The following ZNF324B variants were observed in gnomAD, a reference collection of about 807,000 sequenced individuals.
ZNF324B encodes the protein zinc finger protein 324B.
Under a neutral mutation model 10.6 loss-of-function variants are expected in ZNF324B, and 7 were observed. That is an observed-to-expected ratio of 0.66 (90% CI 0.38 to 1.24). The LOEUF (loss-of-function observed/expected upper bound fraction) is 1.24, where lower values mean the gene tolerates loss of function less well. Ranked by LOEUF, ZNF324B falls within the 50% of genes most tolerant of loss-of-function variation. ZNF324B has a pLI of 0.02. For missense variants in ZNF324B, 640 were observed against 764.7 expected (o/e 0.84, Z 1.92); for synonymous variants, 316 against 321.0 (o/e 0.98, Z 0.17).
the ZNF324B span, chr19:58,440,271 CTGCTA>C: frequency 4.9e-6 from 1 of 202,866 alleles, no homozygotes; most frequent in Non-Finnish European, 1.0e-5. Flanking sequence ...CGTCACGCTA[CTGCTA>C]GGTCGTTGCC....
the ZNF324B span, among the ~76,000 whole-genome samples, chr19:58,422,758 C>A: frequency 6.6e-6 from 1 of 152,122 alleles, no homozygotes; most frequent in Admixed American, 6.6e-5. Context: ...CCTTTGGATT[C>A]ATCCTCACAT....
At chr19:58,453,095 A>AAATG (rs1433736290) in intron 1 of ZNF324B, 1 of 138,956 alleles carries the variant, frequency 7.2e-6, no homozygotes, top group East Asian at 2.0e-4. Context: ...ATAAATAAAT[A>AAATG]AATAAATAAA....
At chr19:58,419,710 G>A in the ZNF324B span, among the ~76,000 whole-genome samples, 2 of 152,218 alleles carry the variant, frequency 1.3e-5, no homozygotes, top group Non-Finnish European at 1.5e-5. Flanking sequence ...GTGTCTGGAT[G>A]CTGTGGCCTT....
rs765604919 is a variant in ZNF324B, at chr19:58,454,984, C to G, written c.239-199C>G. 33 of 766,030 alleles carry G rather than the reference C, an allele frequency of 4.3e-5. No homozygotes were observed. The South Asian group carries it at 4.7e-4, about 11-fold the overall frequency. 47.5% of individuals were successfully genotyped at this position (766,030 alleles called of 1,614,324 possible). A position where few individuals can be genotyped will look rare whatever the true frequency, so the allele number is the denominator to read the frequency against. ...GGCTGCCGCCTTGATCATGGGAGTC[C>G]CCACTGCAGTCAGTGCCACACCTGT... On this transcript the variant is annotated intron_variant, in intron 3 of 3. Transcript: ENST00000336614.
the ZNF324B span, chr19:58,439,843 C>T: frequency 1.3e-6 from 2 of 1,536,660 alleles, no homozygotes; most frequent in South Asian, 1.2e-5. Context: ...CAGGGCTAGC[C>T]CTGCCGCTGG....
chr19:58,427,290 T>TCC, the ZNF324B span, among the ~76,000 whole-genome samples: 1 of 131,224 alleles, frequency 7.6e-6, no homozygotes, highest in Non-Finnish European at 1.6e-5. Context: ...ATGCCTGGCT[T>TCC]TTTTCTTTCT....
chr19:58,455,771 T>C lies in ZNF324B; in HGVS notation c.827T>C (p.Leu276Pro). 2 of 1,614,044 alleles carry C rather than the reference T, an allele frequency of 1.2e-6. No individual in the cohort carries two copies. Among genetic ancestry groups the C allele is most frequent in the South Asian group, 1.1e-5 (1 of 91,092 alleles). The change falls in exon 4 of 4, where the codon CTA becomes CCA. Residue 276 changes from leucine to proline, a missense_variant. By Grantham distance (98) the Leu-to-Pro change is moderately conservative. Transcript: ENST00000336614. This position sits in a 1 kb window ranked among gnomAD's most constrained non-coding sequence, Gnocchi z 7.0. The part of the protein sequence containing the change: ...FVKSSDLLKH[L>P]RTHTGERPYE... ...AAGAGCTCCGACCTCCTCAAGCACC[T>C]ACGCACCCACACCGGGGAGCGGCCC...
At chr19:58,420,785 G>A in the ZNF324B span, among the ~76,000 whole-genome samples, 1 of 151,658 alleles carries the variant, frequency 6.6e-6, no homozygotes, top group Non-Finnish European at 1.5e-5. Flanking sequence ...TCAGCACACT[G>A]CAACCTCCGC....
upstream of ZNF324B, among the ~76,000 whole-genome samples, chr19:58,447,798 G>A (rs1387659662): frequency 6.6e-6 from 1 of 152,188 alleles, no homozygotes; most frequent in African/African-American, 2.4e-5. Context: ...ATTCCCACAC[G>A]TTGTGGGAGG....
chr19:58,442,928 T>G, the ZNF324B span: 1 of 152,306 alleles, frequency 6.6e-6, no homozygotes, highest in African/African-American at 2.4e-5. Flanking sequence ...GGGTTGCCGC[T>G]GCTGGCTTGG....
At chr19:58,427,440 TTCCTTTCCTTTCCCTTCCTTCC>T in the ZNF324B span, among the ~76,000 whole-genome samples, 10 of 13,784 alleles carry the variant, frequency 7.3e-4, no homozygotes, top group African/African-American at 2.0e-3. Context: ...CCTTCCTTCC[TTCCTTTCCTTTCCCTTCCTTCC>T]TTCCTTCCTT....
chr19:58,437,216 C>A, the ZNF324B span: 2 of 1,584,428 alleles, frequency 1.3e-6, no homozygotes, highest in Admixed American at 3.7e-5. Context: ...AAGAAGTATG[C>A]TGACAAAGAA....
chr19:58,418,519 G>C, the ZNF324B span: 1 of 151,686 alleles, frequency 6.6e-6, no homozygotes, highest in East Asian at 1.9e-4. Flanking sequence ...TTTGTGGACA[G>C]GGTCTTGCTA....
At chr19:58,434,418 T>C in the ZNF324B span, 1 of 1,614,252 alleles carries the variant, frequency 6.2e-7, no homozygotes, top group South Asian at 1.1e-5. Context: ...GTCTTTCTCC[T>C]GAGTGAATTC....
At chr19:58,433,647 A>G in the ZNF324B span, 2 of 1,614,160 alleles carry the variant, frequency 1.2e-6, no homozygotes, top group South Asian at 1.1e-5. Context: ...CACTGCATTT[A>G]TAAGGCTTTT....
the ZNF324B span, chr19:58,434,562 C>T: frequency 1.2e-6 from 2 of 1,614,108 alleles, no homozygotes; most frequent in Non-Finnish European, 1.7e-6. Flanking sequence ...TCCCACACTC[C>T]TTACACACAT....
At position 58,454,892 on chromosome 19, in the gene ZNF324B, A is replaced by G. The variant is rs527278587; in HGVS notation, c.239-291A>G. 1.9e-4 allele frequency: 109 copies of G among 573,628 alleles called. 2 individuals are homozygous for G. The highest frequency in any genetic ancestry group is 1.1e-3 in the South Asian group (59 of 53,102). 35.5% of individuals were successfully genotyped at this position (573,628 alleles called of 1,614,324 possible). ...TGGAAAGGGAGGGGGTGGAACAGCC[A>G]GTGTGGAGACGTGGGTGGCACGCAG... On this transcript the variant is annotated intron_variant, in intron 3 of 3. Transcript: ENST00000336614.
At chr19:58,432,340 G>A in the ZNF324B span, 2 of 516,864 alleles carry the variant, frequency 3.9e-6, no homozygotes, top group Admixed American at 1.9e-5. Context: ...AAATACAAAG[G>A]TCTGTAGCTC....
intron 1 of ZNF324B, 82 bp from the exon 2 acceptor site, chr19:58,453,614 G>A: frequency 6.4e-7 from 1 of 1,565,376 alleles, no homozygotes; most frequent in South Asian, 1.1e-5. Context: ...ACTGGGGGAG[G>A]TGACTGTTGG....
Sources: gnomAD v4.1 joint callset for allele counts (sites outside exome capture counted in the v4.1 genomes callset) on GRCh38, gnomAD v4.1.1 for gene constraint, Gnocchi (gnomAD v3.1) non-coding constraint, MANE v1.5 for transcripts, NCBI Gene and HGNC (gene_info 2026-07-23, HGNC 2026-07-21) for gene names.